The following B4GALT6 variants were observed in gnomAD, a reference collection of about 807,000 sequenced individuals.
The protein encoded by B4GALT6 is UDP-Gal:beta-GlcNAc beta-1,4-galactosyltransferase 6.
Under a neutral mutation model 46.3 loss-of-function variants are expected in B4GALT6, and 14 were observed. That is an observed-to-expected ratio of 0.30 (90% CI 0.20 to 0.47). The LOEUF is 0.47. B4GALT6 is among the 20% of genes least tolerant of loss of function. The probability of loss-of-function intolerance (pLI) is 0.99; values close to 1 mark genes in which losing one functional copy is unlikely to be tolerated. For synonymous variants in B4GALT6, 168 were observed against 162.0 expected (o/e 1.04, Z -0.28); for missense variants, 386 against 480.1 (o/e 0.80, Z 1.83).
chr18:31,625,345 TTCTCTTCGGAGGGAGC>T lies in B4GALT6; in HGVS notation c.*253_*268del. 1 of 354,486 alleles carries T rather than the reference TTCTCTTCGGAGGGAGC, an allele frequency of 2.8e-6. No homozygotes were observed. The highest frequency in any genetic ancestry group is 5.0e-6 in the Non-Finnish European group (1 of 200,176). 22.0% of individuals were successfully genotyped at this position (354,486 alleles called of 1,614,324 possible). A position where few individuals can be genotyped will look rare whatever the true frequency, so the allele number is the denominator to read the frequency against. On this transcript the variant is annotated 3_prime_UTR_variant, in exon 9 of 9. Coordinates refer to ENST00000306851, the MANE Select transcript of B4GALT6 (RefSeq NM_004775.5). Reference sequence around the variant, plus strand: ...AATTATAGATTTTAGTATAAAAATTTTCTCTTCGGAGGGAGCTCTCTTAACTTCCGATCTTAAGTAG... The same window carrying T: ...AATTATAGATTTTAGTATAAAAATTTTCTCTTAACTTCCGATCTTAAGTAG...
At chr18:31,684,887 G>C (rs1320214591), upstream of B4GALT6, among the ~76,000 whole-genome samples, 1 of 150,328 alleles carries the variant, frequency 6.7e-6, no homozygotes, top group Non-Finnish European at 1.5e-5. Flanking sequence ...CCGCCGCGAA[G>C]CCCCGTGCTT....
At chr18:31,693,665 G>C in the B4GALT6 span, among the ~76,000 whole-genome samples, 1 of 152,040 alleles carries the variant, frequency 6.6e-6, no homozygotes, top group African/African-American at 2.4e-5. Flanking sequence ...CAAAAAAGAA[G>C]GCTTGAAAAT....
chr18:31,680,334 C>G (rs2074465863), intron 1 of B4GALT6, among the ~76,000 whole-genome samples: 6 of 152,164 alleles, frequency 3.9e-5, no homozygotes, highest in Admixed American at 3.9e-4. Flanking sequence ...AGAACCCCAG[C>G]CAAAATGCCA....
the B4GALT6 span, among the ~76,000 whole-genome samples, chr18:31,706,938 C>T: frequency 1.3e-5 from 2 of 152,220 alleles, no homozygotes; most frequent in Admixed American, 6.5e-5. Context: ...GCAGGAGTTG[C>T]TTATCTATAA....
intron 1 of B4GALT6, among the ~76,000 whole-genome samples, chr18:31,679,395 G>A (rs1472171747): frequency 6.6e-6 from 1 of 152,178 alleles, no homozygotes; most frequent in African/African-American, 2.4e-5. Context: ...ATCTGACTGT[G>A]GAAACAATCT....
At chr18:31,723,352 A>C in the B4GALT6 span, among the ~76,000 whole-genome samples, 1 of 152,184 alleles carries the variant, frequency 6.6e-6, no homozygotes, top group African/African-American at 2.4e-5. Flanking sequence ...AAGAATGGCT[A>C]TGGGGGAAGT....
At chr18:31,648,470 G>A (rs2074019922) in intron 3 of B4GALT6, among the ~76,000 whole-genome samples, 2 of 152,196 alleles carry the variant, frequency 1.3e-5, no homozygotes, top group Admixed American at 6.5e-5. Context: ...TCAAGGTGAA[G>A]GACAGGGAAC....
chr18:31,710,023 A>G, the B4GALT6 span, among the ~76,000 whole-genome samples: 1 of 151,386 alleles, frequency 6.6e-6, no homozygotes, highest in African/African-American at 2.4e-5. Flanking sequence ...TGAACCCGGG[A>G]GGCAGAGGTT....
chr18:31,657,751 ATTTTCCCCCTTTGTAT>A (rs1420812546), intron 3 of B4GALT6, among the ~76,000 whole-genome samples: 1 of 152,194 alleles, frequency 6.6e-6, no homozygotes, highest in Admixed American at 6.5e-5. Flanking sequence ...GGTATTTGTC[ATTTTCCCCCTTTGTAT>A]TTTTCTTCAG....
chr18:31,677,960 G>A (rs9958392), intron 1 of B4GALT6, among the ~76,000 whole-genome samples: 4,283 of 151,862 alleles, frequency 0.028, 213 homozygotes, highest in African/African-American at 0.097. Context: ...CCTCACACAT[G>A]TCTCACCTCA....
At chr18:31,682,016 T>C (rs1323538823) in intron 1 of B4GALT6, among the ~76,000 whole-genome samples, 1 of 152,210 alleles carries the variant, frequency 6.6e-6, no homozygotes, top group Non-Finnish European at 1.5e-5. Flanking sequence ...GTCTCATAAA[T>C]AAGAAATCTG....
At chr18:31,630,116 G>A (rs1313428195) in intron 6 of B4GALT6, among the ~76,000 whole-genome samples, 2 of 147,838 alleles carry the variant, frequency 1.4e-5, no homozygotes, top group African/African-American at 5.0e-5. Flanking sequence ...CGGGAGTGGG[G>A]AGGAGGAGTG....
chr18:31,716,959 G>C, the B4GALT6 span, among the ~76,000 whole-genome samples: 3 of 151,958 alleles, frequency 2.0e-5, no homozygotes, highest in Non-Finnish European at 2.9e-5. Flanking sequence ...AATTAGCCGA[G>C]CGTGTGGTGG....
At chr18:31,683,756 T>C (rs2074508395) in intron 1 of B4GALT6, among the ~76,000 whole-genome samples, 1 of 152,132 alleles carries the variant, frequency 6.6e-6, no homozygotes, top group Admixed American at 6.5e-5. Flanking sequence ...TAATGGAGCA[T>C]TGTTTTTACA....
chr18:31,665,129 T>C (rs561483894), intron 2 of B4GALT6, among the ~76,000 whole-genome samples: 1 of 152,338 alleles, frequency 6.6e-6, no homozygotes, highest in Non-Finnish European at 1.5e-5. Context: ...AGACAGACTT[T>C]CTCTTAGTAG....
chr18:31,689,594 A>C (rs975968905), upstream of B4GALT6, among the ~76,000 whole-genome samples: 1 of 152,182 alleles, frequency 6.6e-6, no homozygotes, highest in Non-Finnish European at 1.5e-5. Context: ...AATATAAAAA[A>C]TTAGCTGGGC....
upstream of B4GALT6, chr18:31,684,621 G>A (rs2074521772): frequency 1.6e-6 from 2 of 1,242,280 alleles, no homozygotes; most frequent in Non-Finnish European, 1.0e-6. Context: ...GGAGGCCAGA[G>A]AGTCGGGGGA....
chr18:31,626,927 GTAC>G, intron 7 of B4GALT6, 69 bp downstream of exon 7: 1 of 1,307,940 alleles, frequency 7.6e-7, no homozygotes, highest in Non-Finnish European at 1.1e-6. Flanking sequence ...GAATGGATAA[GTAC>G]TACAATTTAC....
the B4GALT6 span, among the ~76,000 whole-genome samples, chr18:31,698,218 CTTCTT>C: frequency 6.4e-4 from 97 of 152,296 alleles, 1 homozygote; most frequent in African/African-American, 2.2e-3. Context: ...TTACTTTTCT[CTTCTT>C]GTTTTTGACC....
Sources: gnomAD v4.1 joint callset for allele counts (sites outside exome capture counted in the v4.1 genomes callset) on GRCh38, gnomAD v4.1.1 for gene constraint, MANE v1.5 for transcripts, NCBI Gene and HGNC (gene_info 2026-07-23, HGNC 2026-07-21) for gene names.